CTSE: variants seen among roughly 807,000 people sequenced by gnomAD.
CTSE encodes the protein cathepsin E.
A neutral mutation model predicts 42.8 loss-of-function variants in CTSE; 43 were observed. The ratio of observed to expected loss-of-function variants is 1.01; its 90% confidence interval spans 0.79 to 1.30. CTSE has a LOEUF of 1.30. Among genes scored for constraint, CTSE ranks in the 50% most tolerant of loss-of-function variants. The pLI, the probability that CTSE is intolerant of heterozygous loss-of-function variation, is 0.00. For missense variants in CTSE, 532 were observed against 493.5 expected (o/e 1.08, Z -0.74); for synonymous variants, 205 against 191.5 (o/e 1.07, Z -0.58).
rs1661054770 is a variant in CTSE, at chr1:206,010,291, G to T, written c.1083C>A (p.His361Gln). 1.2e-6 allele frequency: 2 copies of T among 1,613,808 alleles called. No individual in the cohort carries two copies. The highest frequency in any genetic ancestry group is 2.2e-5 in the South Asian group (2 of 91,062). ...CSSGFQGLDIHPPAGPLWILG... is the reference protein window; with the variant it reads ...CSSGFQGLDIQPPAGPLWILG... ...GGATCCAGAGGGGCCCAGCTGGAGG[G>T]TGGATGTCAAGTCCTTGAAAGCCAC... The change falls in exon 9 of 9, where the codon CAC becomes CAA. Residue 361 changes from histidine to glutamine, a missense_variant. His to Gln is a conservative substitution (Grantham distance 24). Transcript: ENST00000358184.
At chr1:206,013,498 A>G (rs992840366) in intron 6 of CTSE, among the ~76,000 whole-genome samples, 6 of 151,990 alleles carry the variant, frequency 3.9e-5, no homozygotes, top group African/African-American at 1.4e-4. Context: ...TTGTGTGTTA[A>G]TGTTAAAAGA....
In CTSE at chr1:206,011,302, C is replaced by T. The variant is rs558921126; in HGVS notation, c.1027-955G>A. Among the ~76,000 whole-genome samples the T allele has an allele frequency of 9.2e-5, 14 of 152,110 alleles. No individual in the cohort carries two copies. In the South Asian group the frequency reaches 2.9e-3, roughly 32 times the overall value. On this transcript the variant is annotated intron_variant, in intron 8 of 8. Coordinates refer to ENST00000358184, the MANE Select transcript of CTSE (RefSeq NM_001910.4). ...CCCCTCCCCTGGCTTCTAGGAAACT[C>T]CCACTCTTTTTTGGGCTCTCCAGCG...
At chr1:206,022,866 C>T (rs781919837) in intron 2 of CTSE, 35 bp downstream of exon 2, 25 of 1,525,660 alleles carry the variant, frequency 1.6e-5, no homozygotes, top group Non-Finnish European at 2.0e-5. Flanking sequence ...CTCCCGCTCC[C>T]ACCTCTCCCC....
At chr1:206,019,683 T>C (rs1170097595) in intron 4 of CTSE, among the ~76,000 whole-genome samples, 6 of 147,950 alleles carry the variant, frequency 4.1e-5, no homozygotes, top group Non-Finnish European at 7.4e-5. Flanking sequence ...TTTATATATA[T>C]ATTATATGTA....
chr1:206,018,892 C>A (rs1390216128), intron 4 of CTSE, among the ~76,000 whole-genome samples: 2 of 151,948 alleles, frequency 1.3e-5, no homozygotes, highest in Non-Finnish European at 2.9e-5. Flanking sequence ...CCATTCTACT[C>A]TTTATTATTT....
chr1:206,012,776 CA>C, intron 6 of CTSE, 127 bp from the exon 7 acceptor site: 1 of 1,062,164 alleles, frequency 9.4e-7, no homozygotes, highest in Non-Finnish European at 1.4e-6. Flanking sequence ...GAGTGTTCCT[CA>C]ATTGTTTTCT....
intron 3 of CTSE, chr1:206,021,463 G>C: frequency 2.9e-6 from 1 of 339,062 alleles, no homozygotes; most frequent in Non-Finnish European, 5.4e-6. Flanking sequence ...CACAGTCCCT[G>C]CCACCCATTG....
Position 206,012,421 on chromosome 1 carries a change from G to A in CTSE, c.928-15C>T, listed in dbSNP as rs377662581. On this transcript the variant is annotated splice_polypyrimidine_tract_variant and intron_variant, in intron 7 of 8. Transcript: ENST00000358184. ...TCCACAGCATACTAAAACCCAATAC[G>A]GAGGATCCGTTTAGAGCCTTGCCAC... The A allele has an allele frequency of 2.9e-5, 47 of 1,613,664 alleles. No homozygotes were observed. The African/African-American group carries it at 3.5e-4, about 12-fold the overall frequency.
intron 3 of CTSE, chr1:206,021,459 C>T (rs1661423236): frequency 1.8e-5 from 6 of 339,134 alleles, no homozygotes; most frequent in Middle Eastern, 1.6e-3. Flanking sequence ...CAGCCACAGT[C>T]CCTGCCACCC....
intron 4 of CTSE, among the ~76,000 whole-genome samples, chr1:206,020,209 T>C (rs1238657059): frequency 1.3e-5 from 2 of 149,892 alleles, no homozygotes; most frequent in Non-Finnish European, 3.0e-5. Flanking sequence ...GTAATGTGTG[T>C]ATACACACGC....
intron 4 of CTSE, among the ~76,000 whole-genome samples, chr1:206,020,130 TTA>T (rs1225938414): frequency 6.8e-6 from 1 of 147,332 alleles, no homozygotes; most frequent in Non-Finnish European, 1.5e-5. Flanking sequence ...TGGATATATA[TTA>T]TATATACAAA....
chr1:206,010,276 G>T lies in CTSE; in HGVS notation c.1098C>A (p.Pro366=), dbSNP rs143696128. Residue 366 remains proline (P), a synonymous_variant, in exon 9 of 9, where the codon CCC becomes CCA. Transcript: ENST00000358184. ...QGLDIHPPAG[P]LWILGDVFIR... The stretch of plus-strand genomic sequence containing the variant: ...TGAAGACATCCCCCAGGATCCAGAG[G>T]GGCCCAGCTGGAGGGTGGATGTCAA... The T allele has an allele frequency of 6.2e-7, 1 of 1,613,810 alleles. No individual in the cohort carries two copies. Among genetic ancestry groups the T allele is most frequent in the Non-Finnish European group, 8.5e-7 (1 of 1,179,812 alleles).
chr1:206,015,159 C>T (rs1172912110), intron 5 of CTSE, among the ~76,000 whole-genome samples: 4 of 152,078 alleles, frequency 2.6e-5, no homozygotes, highest in Non-Finnish European at 4.4e-5. Flanking sequence ...ATAAAATGTA[C>T]TATCTTACCC....
intron 5 of CTSE, 147 bp from the exon 6 acceptor site, chr1:206,014,041 G>T: frequency 2.5e-6 from 2 of 807,656 alleles, no homozygotes; most frequent in Non-Finnish European, 4.0e-6. Context: ...CCGGGACTCT[G>T]ACTACTGCAA....
At chr1:206,022,815 C>T (rs1661480865) in intron 2 of CTSE, 86 bp downstream of exon 2, 1 of 1,271,394 alleles carries the variant, frequency 7.9e-7, no homozygotes. Flanking sequence ...GCCTTCGGTG[C>T]TACTGATGTG....
intron 1 of CTSE, 127 bp downstream of exon 1, chr1:206,023,597 T>C (rs1036280737): frequency 3.7e-6 from 3 of 819,832 alleles, no homozygotes; most frequent in South Asian, 2.9e-5. Flanking sequence ...GTCTCTTCCA[T>C]GCATTGACGC....
chr1:206,020,921 C>T, intron 4 of CTSE, 128 bp downstream of exon 4: 1 of 693,370 alleles, frequency 1.4e-6, no homozygotes, highest in Admixed American at 2.3e-5. Context: ...GTTGCTTGCC[C>T]TTTCTCCTAG....
At position 206,009,734 on chromosome 1, in the gene CTSE, T is replaced by A. The variant is rs1661029376; in HGVS notation, c.*449A>T. On this transcript the variant is annotated 3_prime_UTR_variant, in exon 9 of 9. Transcript: ENST00000358184. ...ATGCTCGGAATTTGCTTCAGAATGA[T>A]CCAGGTACAGCATGTGGAGCTGGAG... 6.1e-6 allele frequency: 1 copy of A among 163,174 alleles called. No individual in the cohort carries two copies. Among genetic ancestry groups the A allele is most frequent in the Non-Finnish European group, 1.3e-5 (1 of 74,832 alleles). 10.1% of individuals were successfully genotyped at this position (163,174 alleles called of 1,614,324 possible).
chr1:206,010,119 G>A lies in CTSE; in HGVS notation c.*64C>T, dbSNP rs148088530. On this transcript the variant is annotated 3_prime_UTR_variant, in exon 9 of 9. Coordinates refer to ENST00000358184, the MANE Select transcript of CTSE (RefSeq NM_001910.4). ...GAAAATAACTTTTTGTAGGTGTAAA[G>A]AATGCCCCAGCCTAACATATTCAAG... is the stretch of plus-strand genomic sequence containing the variant. The A allele has an allele frequency of 4.1e-4, 653 of 1,599,640 alleles. 11 individuals carry two copies. The highest frequency in any genetic ancestry group is 3.0e-4 in the Non-Finnish European group (345 of 1,168,086).
Sources: allele counts gnomAD v4.1 joint callset (sites outside exome capture counted in the v4.1 genomes callset), GRCh38; gene constraint gnomAD v4.1.1; transcripts MANE v1.5; gene names NCBI Gene and HGNC (gene_info 2026-07-23, HGNC 2026-07-21).